Variants in PCMTD1 observed in about 807,000 individuals in gnomAD.
The protein encoded by PCMTD1 is protein-L-isoaspartate O-methyltransferase domain-containing protein 1.
PCMTD1 carries 12 observed loss-of-function variants against 37.6 expected under a neutral mutation model. The observed-to-expected ratio is 0.32, with a 90% CI of 0.20 to 0.52. PCMTD1 has a LOEUF of 0.52. Ranked by LOEUF, PCMTD1 falls within the 20% of genes least tolerant of loss-of-function variation. PCMTD1 has a pLI of 0.97. For synonymous variants in PCMTD1, 117 were observed against 135.8 expected, an observed-to-expected ratio of 0.86 and a Z score of 0.96; for missense variants, 235 against 421.3, an observed-to-expected ratio of 0.56 and a Z score of 3.87.
chr8:51,877,203 G>A (rs769599072), intron 1 of PCMTD1, among the ~76,000 whole-genome samples: 2 of 152,158 alleles, frequency 1.3e-5, no homozygotes, highest in African/African-American at 2.4e-5. Flanking sequence ...AGAGTACACC[G>A]AACAAAGGAG....
chr8:51,886,513 G>A (rs1310827922), intron 1 of PCMTD1, among the ~76,000 whole-genome samples: 1 of 152,014 alleles, frequency 6.6e-6, no homozygotes, highest in Admixed American at 6.6e-5. Context: ...CATCTGCCCA[G>A]TATACAACTT....
intron 2 of PCMTD1, among the ~76,000 whole-genome samples, chr8:51,859,716 G>A (rs577462123): frequency 3.0e-4 from 46 of 152,146 alleles, no homozygotes; most frequent in Non-Finnish European, 6.5e-4. Flanking sequence ...GGATAACAGA[G>A]ATAAAGTAGG....
intron 1 of PCMTD1, among the ~76,000 whole-genome samples, chr8:51,879,034 G>T (rs1585847912): frequency 6.6e-6 from 1 of 152,212 alleles, no homozygotes; most frequent in East Asian, 1.9e-4. Context: ...TCTGAGGTGG[G>T]AAGATTGCTT....
At chr8:51,863,519 A>C (rs2038505260) in intron 1 of PCMTD1, among the ~76,000 whole-genome samples, 2 of 152,240 alleles carry the variant, frequency 1.3e-5, no homozygotes, top group African/African-American at 4.8e-5. Context: ...GCAGTGGCTC[A>C]TGCCTGTAAT....
At chr8:51,859,802 T>C (rs1219294180) in intron 2 of PCMTD1, among the ~76,000 whole-genome samples, 1 of 152,210 alleles carries the variant, frequency 6.6e-6, no homozygotes, top group Non-Finnish European at 1.5e-5. Flanking sequence ...TCTTCAATGA[T>C]TCCCCATCAC....
At chr8:51,881,299 T>C (rs1469321584) in intron 1 of PCMTD1, among the ~76,000 whole-genome samples, 1 of 152,200 alleles carries the variant, frequency 6.6e-6, no homozygotes, top group African/African-American at 2.4e-5. Context: ...AACTGGATTT[T>C]CAATAATGCC....
At chr8:51,880,870 A>T (rs1005490734) in intron 1 of PCMTD1, among the ~76,000 whole-genome samples, 4 of 152,250 alleles carry the variant, frequency 2.6e-5, no homozygotes, top group Non-Finnish European at 1.5e-5. Flanking sequence ...TTAAAAGTTA[A>T]AGAGTATGGC....
At chr8:51,851,200 G>C (rs1288796538) in intron 2 of PCMTD1, among the ~76,000 whole-genome samples, 2 of 152,128 alleles carry the variant, frequency 1.3e-5, no homozygotes, top group Non-Finnish European at 2.9e-5. Flanking sequence ...CTTGTTATTT[G>C]CTCTCCAGTT....
At chr8:51,841,774 T>C (rs2038150065) in intron 3 of PCMTD1, among the ~76,000 whole-genome samples, 1 of 152,136 alleles carries the variant, frequency 6.6e-6, no homozygotes, top group African/African-American at 2.4e-5. Flanking sequence ...AGGCCTTTAC[T>C]TGTCTAGCTA....
At chr8:51,854,694 C>T (rs1237969533) in intron 2 of PCMTD1, among the ~76,000 whole-genome samples, 1 of 151,948 alleles carries the variant, frequency 6.6e-6, no homozygotes, top group African/African-American at 2.4e-5. Context: ...TTGCCCAACA[C>T]AGTGAAACCC....
chr8:51,879,490 T>C (rs921268700), intron 1 of PCMTD1, among the ~76,000 whole-genome samples: 1 of 152,152 alleles, frequency 6.6e-6, no homozygotes, highest in Admixed American at 6.5e-5. Context: ...AGGTGGGCTA[T>C]AGGAATTCAT....
chr8:51,861,154 T>TA lies in PCMTD1; in HGVS notation c.-4dup, dbSNP rs759159942. The TA allele has an allele frequency of 1.8e-5, 28 of 1,598,062 alleles. No homozygotes were observed. In the African/African-American group the frequency reaches 2.4e-4, roughly 14 times the overall value. On this transcript the variant is annotated 5_prime_UTR_variant, in exon 2 of 6. Coordinates refer to ENST00000522514, the MANE Select transcript of PCMTD1 (RefSeq NM_052937.4). ...CCAGCACTCACAGCTCCTCCCATGATAGTATTCAAATCAAATCATAAATTT... is the reference window on the plus strand; with the variant it reads ...CCAGCACTCACAGCTCCTCCCATGATAAGTATTCAAATCAAATCATAAATTT...
rs117232484 is a variant in PCMTD1, at chr8:51,835,176, C to T, written c.411-1487G>A. On this transcript the variant is annotated intron_variant, in intron 3 of 5. Transcript: ENST00000522514. ...TTCTAATTCCTTACAGGAACCATCA[C>T]ACAGTGTTTTGAAATCCTGTATCTG... is the stretch of plus-strand genomic sequence containing the variant. Among the ~76,000 whole-genome samples, 1,459 of 152,314 alleles carry T rather than the reference C, an allele frequency of 9.6e-3. 9 individuals carry two copies. Among genetic ancestry groups the T allele is most frequent in the South Asian group, 0.038 (185 of 4,832 alleles).
intron 1 of PCMTD1, 123 bp downstream of exon 1, chr8:51,898,807 G>A (rs2039051081): frequency 5.3e-6 from 4 of 754,130 alleles, no homozygotes; most frequent in Non-Finnish European, 6.4e-6. Flanking sequence ...CCCTGCCCCC[G>A]ACTCTTCGGC....
intron 4 of PCMTD1, among the ~76,000 whole-genome samples, chr8:51,832,595 TA>T (rs1465328459): frequency 6.6e-6 from 1 of 152,272 alleles, no homozygotes; most frequent in African/African-American, 2.4e-5. Context: ...ATATTGGAGA[TA>T]TTTTTTAAAT....
At chr8:51,826,168 G>A (rs2037918515) in intron 5 of PCMTD1, among the ~76,000 whole-genome samples, 1 of 152,144 alleles carries the variant, frequency 6.6e-6, no homozygotes, top group African/African-American at 2.4e-5. Context: ...TATATACCAT[G>A]GAATACTATG....
intron 1 of PCMTD1, among the ~76,000 whole-genome samples, chr8:51,893,627 A>C (rs983095254): frequency 2.0e-5 from 3 of 152,206 alleles, no homozygotes; most frequent in Admixed American, 6.5e-5. Flanking sequence ...CTAAATCATT[A>C]ATTTTTTTAA....
At position 51,819,237 on chromosome 8, in the gene PCMTD1, A is replaced by G. The variant is rs181145607; in HGVS notation, c.*1114T>C. On this transcript the variant is annotated 3_prime_UTR_variant, in exon 6 of 6. Coordinates refer to ENST00000522514, the MANE Select transcript of PCMTD1 (RefSeq NM_052937.4). ...ACATGGCATAGGTCCCAAAGATTAC[A>G]CTATGATTCTGAACAGCATTTTCAA... is the stretch of plus-strand genomic sequence containing the variant. 6.6e-6 allele frequency: 1 copy of G among 152,116 alleles called. No individual in the cohort carries two copies. Among genetic ancestry groups the G allele is most frequent in the African/African-American group, 2.4e-5 (1 of 41,442 alleles). 9.4% of individuals were successfully genotyped at this position (152,116 alleles called of 1,614,324 possible).
intron 2 of PCMTD1, among the ~76,000 whole-genome samples, chr8:51,858,375 T>C (rs191433834): frequency 2.6e-5 from 4 of 152,352 alleles, no homozygotes; most frequent in Admixed American, 1.3e-4. Flanking sequence ...GGCTGAGCCA[T>C]AGTGTTATAG....
Sources: allele counts gnomAD v4.1 joint callset (sites outside exome capture counted in the v4.1 genomes callset), GRCh38; gene constraint gnomAD v4.1.1; transcripts MANE v1.5; gene names NCBI Gene and HGNC (gene_info 2026-07-23, HGNC 2026-07-21).